OASL: variants seen among roughly 807,000 people sequenced by gnomAD.
OASL encodes 2'-5'-oligoadenylate synthase-like protein.
In OASL, 28 loss-of-function variants were observed where a neutral mutation model predicts 35.3. That is an observed-to-expected ratio of 0.79 (90% CI 0.59 to 1.09). The LOEUF (loss-of-function observed/expected upper bound fraction) is 1.09. Ranked by LOEUF, OASL falls within the 50% of genes least tolerant of loss-of-function variation. The pLI is 0.00. For synonymous variants in OASL, 252 were observed against 254.6 expected (o/e 0.99, Z 0.10); for missense variants, 620 against 635.2 (o/e 0.98, Z 0.26).
chr12:121,035,982 G>A (rs756965626), intron 1 of OASL, among the ~76,000 whole-genome samples: 6 of 151,990 alleles, frequency 3.9e-5, no homozygotes, highest in Non-Finnish European at 5.9e-5. Context: ...CTCAGCCTCC[G>A]GAGTAGCTGG....
rs1269088318 is a variant in OASL, at chr12:121,029,687, C to CA, written c.657+1754dup. Among the ~76,000 whole-genome samples the CA allele has an allele frequency of 6.4e-3, 829 of 130,250 alleles. 6 individuals carry two copies. Among genetic ancestry groups the CA allele is most frequent in the African/African-American group, 0.019 (668 of 35,042 alleles). The allele number at this position is 130,250 out of a possible 152,430, so 85.4% of individuals were successfully genotyped here. ...TGGGCGACAGAGCAAGACTCTGTCT[C>CA]AAAAAAAAAAAAATTATAAGTTAAT... On this transcript the variant is annotated intron_variant, in intron 3 of 5. Transcript: ENST00000257570.
intron 5 of OASL, 116 bp downstream of exon 5, chr12:121,023,874 A>T: frequency 1.5e-6 from 2 of 1,298,756 alleles, no homozygotes; most frequent in Non-Finnish European, 2.1e-6. Flanking sequence ...CTGGCCCTTA[A>T]ACGGTGACTC....
At chr12:121,020,768 G>A (rs537850168) in exon 6 of OASL, 39 of 1,614,124 alleles carry the variant, frequency 2.4e-5, no homozygotes, top group South Asian at 6.6e-5. Context: ...TGGCATAGGC[G>A]TAGCTCCCAC....
intron 5 of OASL, chr12:121,023,729 A>G (rs1003160009): frequency 8.1e-5 from 31 of 380,694 alleles, no homozygotes; most frequent in Non-Finnish European, 3.4e-5. Context: ...AAGAATGATC[A>G]GGAACACAGA....
rs76653972 is a variant in OASL, at chr12:121,020,651, G to A, written c.1455C>T (p.Asp485=). 433 of 1,614,230 alleles carry A rather than the reference G, an allele frequency of 2.7e-4. 3 individuals carry two copies. The African/African-American group carries it at 5.0e-3, about 19-fold the overall frequency. ...TGCCATAGATCCCCAGACCCAACCA[G>A]TCCTGCAGGACTTGGCCTTGGAATT... The change falls in exon 6 of 6, where the codon GAC becomes GAT. Residue 485 remains aspartate (D), a synonymous_variant. Coordinates refer to ENST00000257570, the Ensembl canonical transcript of OASL.
At chr12:121,029,234 A>G (rs1869629658) in intron 3 of OASL, among the ~76,000 whole-genome samples, 1 of 151,130 alleles carries the variant, frequency 6.6e-6, no homozygotes, top group Admixed American at 6.6e-5. Context: ...TCAGAGGAGA[A>G]AAAAAAAAGC....
exon 6 of OASL, chr12:121,021,056 C>T (rs1413295730): frequency 6.4e-7 from 1 of 1,571,224 alleles, no homozygotes; most frequent in Admixed American, 1.9e-5. Context: ...TGTCTCGTGC[C>T]CTCTGGAAGG....
intron 1 of OASL, among the ~76,000 whole-genome samples, chr12:121,036,608 AC>A (rs1490494330): frequency 6.6e-6 from 1 of 152,102 alleles, no homozygotes; most frequent in Non-Finnish European, 1.5e-5. Context: ...ACATGATGGA[AC>A]CCCGTCTCTA....
rs1334788804 is a variant in OASL, at chr12:121,031,597, G to A, written c.502C>T (p.Gln168Ter). Residue 168 changes from glutamine to a stop codon, truncating the protein, a stop_gained, in exon 3 of 6, where the codon CAG becomes TAG. Coordinates refer to ENST00000257570, the Ensembl canonical transcript of OASL. LOFTEE classifies it high-confidence loss of function. ...CTCACATAGACCTCAGGGGGTGGCTGGGAGTTGGGAAGAGAAGGCCCTGAG... is the reference window on the plus strand; with the variant it reads ...CTCACATAGACCTCAGGGGGTGGCTAGGAGTTGGGAAGAGAAGGCCCTGAG... The A allele has an allele frequency of 2.5e-6, 4 of 1,613,430 alleles. No individual in the cohort carries two copies. The highest frequency in any genetic ancestry group is 1.3e-5 in the African/African-American group (1 of 75,038).
At chr12:121,029,318 G>C (rs1486054457) in intron 3 of OASL, among the ~76,000 whole-genome samples, 1 of 151,834 alleles carries the variant, frequency 6.6e-6, no homozygotes, top group African/African-American at 2.4e-5. Context: ...ATGAAACCTT[G>C]GGCCTTTCCT....
chr12:121,026,202 G>C (rs149882242), intron 4 of OASL, among the ~76,000 whole-genome samples: 5 of 152,320 alleles, frequency 3.3e-5, no homozygotes, highest in Middle Eastern at 3.4e-3. Context: ...GAGAGAGAGA[G>C]GGAGTCTCAG....
intron 1 of OASL, among the ~76,000 whole-genome samples, chr12:121,038,311 A>T (rs1218328806): frequency 6.6e-6 from 1 of 152,184 alleles, no homozygotes; most frequent in African/African-American, 2.4e-5. Context: ...TCTGATAACC[A>T]CAAAACTACT....
At chr12:121,024,558 C>T (rs1869401893) in intron 4 of OASL, among the ~76,000 whole-genome samples, 1 of 151,902 alleles carries the variant, frequency 6.6e-6, no homozygotes, top group Non-Finnish European at 1.5e-5. Flanking sequence ...GTGGAGGTTG[C>T]AGTGAGCCAA....
chr12:121,038,917 C>G lies in OASL; in HGVS notation c.55G>C (p.Val19Leu). 1.2e-6 allele frequency: 2 copies of G among 1,614,218 alleles called. 1 individual carries two copies. The highest frequency in any genetic ancestry group is 2.2e-5 in the South Asian group (2 of 91,090). ...CGGTGGGGCTGCAGCCACTGAGCCA[C>G]GAAGGAGTCCAGCCTGGAGGCTGGT... The change falls in exon 1 of 6, where the codon GTG (valine) becomes CTG (leucine). Residue 19 changes from valine (V) to leucine (L), a missense_variant. Val to Leu is a conservative substitution (Grantham distance 32, BLOSUM62 1). Coordinates refer to ENST00000257570, the Ensembl canonical transcript of OASL.
chr12:121,021,206 CTGT>C, intron 5 of OASL, 148 bp from the exon 6 acceptor site: 1 of 745,000 alleles, frequency 1.3e-6, no homozygotes, highest in Non-Finnish European at 2.1e-6. Context: ...ACTTTCCAGG[CTGT>C]ATGCTGAGCA....
intron 2 of OASL, among the ~76,000 whole-genome samples, chr12:121,033,260 A>G (rs1047762199): frequency 9.9e-5 from 15 of 152,170 alleles, no homozygotes; most frequent in Admixed American, 4.6e-4. Flanking sequence ...TCTTTGGTCA[A>G]TTTCTGTATT....
intron 4 of OASL, among the ~76,000 whole-genome samples, chr12:121,025,010 G>A (rs964200068): frequency 1.8e-5 from 2 of 111,090 alleles, no homozygotes; most frequent in African/African-American, 7.1e-5. Flanking sequence ...ACAGAGTCTC[G>A]CTCTGTCGCC....
At chr12:121,038,327 A>G (rs1870036878) in intron 1 of OASL, among the ~76,000 whole-genome samples, 1 of 152,180 alleles carries the variant, frequency 6.6e-6, no homozygotes. Flanking sequence ...CTACTGTTAC[A>G]CCTAACAAAA....
chr12:121,027,464 G>A, intron 4 of OASL, 112 bp downstream of exon 4: 1 of 1,479,346 alleles, frequency 6.8e-7, no homozygotes, highest in Non-Finnish European at 9.1e-7. Context: ...GCTCAACTAT[G>A]GTGGCAGCCT....
Sources: gnomAD v4.1 joint callset for allele counts (sites outside exome capture counted in the v4.1 genomes callset) on GRCh38, gnomAD v4.1.1 for gene constraint, MANE v1.5 for transcripts, NCBI Gene and HGNC (gene_info 2026-07-23, HGNC 2026-07-21) for gene names.